The following HOXA11 variants were observed in gnomAD, a reference collection of about 807,000 sequenced individuals.
The protein encoded by HOXA11 is homeobox protein Hox-A11.
In HOXA11, 8 loss-of-function variants were observed where a neutral mutation model predicts 22.5. That is an observed-to-expected ratio of 0.36 (90% CI 0.21 to 0.64). HOXA11 has a LOEUF of 0.64. Ranked by LOEUF, HOXA11 falls within the 30% of genes least tolerant of loss-of-function variation. The pLI, the probability that HOXA11 is intolerant of heterozygous loss-of-function variation, is 0.67. For missense variants in HOXA11, 388 were observed against 429.0 expected (o/e 0.90, Z 0.84); for synonymous variants, 211 against 188.4 (o/e 1.12, Z -0.98).
intron 1 of HOXA11, among the ~76,000 whole-genome samples, chr7:27,184,053 T>C (rs1783814210): frequency 6.6e-6 from 1 of 152,152 alleles, no homozygotes; most frequent in African/African-American, 2.4e-5. Context: ...ATGGCTTTTA[T>C]AAAAATCTCC....
chr7:27,184,909 A>G lies in HOXA11; in HGVS notation c.236T>C (p.Leu79Pro), dbSNP rs201762092. ...PATKWHPRGNLAHCYSAEELV... is the reference protein window; with the variant it reads ...PATKWHPRGNPAHCYSAEELV... ...CTCCTCCGCGGAGTAGCAGTGGGCC[A>G]GATTGCCGCGGGGGTGCCATTTAGT... Residue 79 changes from leucine (L) to proline (P), a missense_variant, in exon 1 of 2, where the codon CTG (leucine) becomes CCG (proline). Leu to Pro is a moderately conservative substitution (Grantham distance 98, BLOSUM62 -3). Transcript: ENST00000006015. 64 of 1,614,050 alleles carry G rather than the reference A, an allele frequency of 4.0e-5. No individual in the cohort carries two copies. In the East Asian group the frequency reaches 1.2e-3, roughly 31 times the overall value.
In HOXA11 at chr7:27,182,545, C is replaced by T. The variant is rs978479882; in HGVS notation, c.*251G>A. ...CAGCTCTGCAGGCTCCAAGAGTGAACCACCAGGGGTCCCAAACCTGTCATT... is the reference window on the plus strand; with the variant it reads ...CAGCTCTGCAGGCTCCAAGAGTGAATCACCAGGGGTCCCAAACCTGTCATT... On this transcript the variant is annotated 3_prime_UTR_variant, in exon 2 of 2. Transcript: ENST00000006015. 9.1e-6 allele frequency: 5 copies of T among 547,690 alleles called. No homozygotes were observed. The highest frequency in any genetic ancestry group is 1.6e-5 in the Non-Finnish European group (5 of 303,378). The allele number at this position is 547,690 out of a possible 1,614,324, so 33.9% of individuals were successfully genotyped here. A position where few individuals can be genotyped will look rare whatever the true frequency, so the allele number is the denominator to read the frequency against.
chr7:27,182,453 G>T lies in HOXA11; in HGVS notation c.*343C>A. On this transcript the variant is annotated 3_prime_UTR_variant, in exon 2 of 2. Transcript: ENST00000006015. Reference sequence around the variant, plus strand: ...GGTAGGCTCCCAGTAGAGGGAGGGTGTGGTGGGGTTAGTCTCCAGGGGGTC... The same window carrying T: ...GGTAGGCTCCCAGTAGAGGGAGGGTTTGGTGGGGTTAGTCTCCAGGGGGTC... 1 of 449,254 alleles carries T rather than the reference G, an allele frequency of 2.2e-6. No individual in the cohort carries two copies. The highest frequency in any genetic ancestry group is 4.1e-6 in the Non-Finnish European group (1 of 242,868). 27.8% of individuals were successfully genotyped at this position (449,254 alleles called of 1,614,324 possible). A position where few individuals can be genotyped will look rare whatever the true frequency, so the allele number is the denominator to read the frequency against.
intron 1 of HOXA11, among the ~76,000 whole-genome samples, chr7:27,183,725 C>T (rs1271990952): frequency 7.7e-6 from 1 of 129,284 alleles, no homozygotes; most frequent in African/African-American, 3.1e-5. Context: ...AAGCTGCGGG[C>T]AGGCTCTACT....
Position 27,182,674 on chromosome 7 carries a change from T to G in HOXA11, c.*122A>C, listed in dbSNP as rs1783790279. On this transcript the variant is annotated 3_prime_UTR_variant, in exon 2 of 2. Coordinates refer to ENST00000006015, the MANE Select transcript of HOXA11 (RefSeq NM_005523.6). ...ACCACCTCCTGTGGGGCTATCTCCATGCATCCCTCTCTTGCACACCTCTTT... is the reference window on the plus strand; with the variant it reads ...ACCACCTCCTGTGGGGCTATCTCCAGGCATCCCTCTCTTGCACACCTCTTT... The G allele has an allele frequency of 6.7e-6, 5 of 748,142 alleles. No individual in the cohort carries two copies. Among genetic ancestry groups the G allele is most frequent in the Non-Finnish European group, 1.2e-5 (5 of 405,986 alleles). The allele number at this position is 748,142 out of a possible 1,614,324, so 46.3% of individuals were successfully genotyped here.
At position 27,181,944 on chromosome 7, in the gene HOXA11, G is replaced by A. The variant is rs1197029885; in HGVS notation, c.*852C>T. On this transcript the variant is annotated 3_prime_UTR_variant, in exon 2 of 2. Coordinates refer to ENST00000006015, the MANE Select transcript of HOXA11 (RefSeq NM_005523.6). ...GCAAATCCAAGTTTCATTACGTGTG[G>A]TGGAGAGTTTGCCAAACTGCCACAC... 9 of 227,812 alleles carry A rather than the reference G, an allele frequency of 4.0e-5. No individual in the cohort carries two copies. The highest frequency in any genetic ancestry group is 1.3e-4 in the African/African-American group (6 of 45,026). The allele number at this position is 227,812 out of a possible 1,614,324, so 14.1% of individuals were successfully genotyped here.
Position 27,182,467 on chromosome 7 carries a change from C to A in HOXA11, c.*329G>T, listed in dbSNP as rs1783786542. 2.2e-6 allele frequency: 1 copy of A among 462,488 alleles called. No homozygotes were observed. 28.6% of individuals were successfully genotyped at this position (462,488 alleles called of 1,614,324 possible). On this transcript the variant is annotated 3_prime_UTR_variant, in exon 2 of 2. Transcript: ENST00000006015. ...AGAGGGAGGGTGTGGTGGGGTTAGTCTCCAGGGGGTCTGGCAGGGGCCCAA... is the reference window on the plus strand; with the variant it reads ...AGAGGGAGGGTGTGGTGGGGTTAGTATCCAGGGGGTCTGGCAGGGGCCCAA...
At position 27,185,160 on chromosome 7, in the gene HOXA11, G is replaced by A; in HGVS notation, c.-16C>T. On this transcript the variant is annotated 5_prime_UTR_variant, in exon 1 of 2. Coordinates refer to ENST00000006015, the MANE Select transcript of HOXA11 (RefSeq NM_005523.6). ...CAAAATCCATTATTGGGCTACCTTG[G>A]GCTCTCCGCAGTAGCCGAGCTTAAC... 1 of 1,613,612 alleles carries A rather than the reference G, an allele frequency of 6.2e-7. No individual in the cohort carries two copies.
chr7:27,185,105 A>G lies in HOXA11; in HGVS notation c.40T>C (p.Tyr14His). The change falls in exon 1 of 2, where the codon TAT becomes CAT. Residue 14 changes from tyrosine to histidine, a missense_variant. Physicochemically the swap from Tyr to His is moderately conservative, Grantham distance 83. Transcript: ENST00000006015. ...ACGTAGTAAGTACAACTTGGCAAAT[A>G]CATGTTAGAGGAGCAGGGACCACGC... ...DERGPCSSNMYLPSCTYYVSG... is the reference protein window; with the variant it reads ...DERGPCSSNMHLPSCTYYVSG... 1.2e-6 allele frequency: 2 copies of G among 1,614,068 alleles called. No individual in the cohort carries two copies. Among genetic ancestry groups the G allele is most frequent in the Non-Finnish European group, 1.7e-6 (2 of 1,179,990 alleles).
In HOXA11 at chr7:27,181,833, AC is replaced by A. The variant is rs1342886685; in HGVS notation, c.*962del. 1 of 216,006 alleles carries A rather than the reference AC, an allele frequency of 4.6e-6. No individual in the cohort carries two copies. The highest frequency in any genetic ancestry group is 6.8e-5 in the East Asian group (1 of 14,712). 13.4% of individuals were successfully genotyped at this position (216,006 alleles called of 1,614,324 possible). A position where few individuals can be genotyped will look rare whatever the true frequency, so the allele number is the denominator to read the frequency against. ...AATGAGGGCTGAGTGTGGTGCTGGA[AC>A]CCGGTGTTTTGGGGGACTCAAGGCC... is the stretch of plus-strand genomic sequence containing the variant. On this transcript the variant is annotated 3_prime_UTR_variant, in exon 2 of 2. Coordinates refer to ENST00000006015, the MANE Select transcript of HOXA11 (RefSeq NM_005523.6).
In HOXA11 at chr7:27,182,226, T is replaced by C; in HGVS notation, c.*570A>G. 4.0e-6 allele frequency: 1 copy of C among 248,818 alleles called. No individual in the cohort carries two copies. Among genetic ancestry groups the C allele is most frequent in the Non-Finnish European group, 7.9e-6 (1 of 126,324 alleles). The allele number at this position is 248,818 out of a possible 1,614,324, so 15.4% of individuals were successfully genotyped here. A position where few individuals can be genotyped will look rare whatever the true frequency, so the allele number is the denominator to read the frequency against. ...GGAAAGACACTGATGCCACCTGGAA[T>C]CATAGATTTCTTTTCCCACAAGGAT... On this transcript the variant is annotated 3_prime_UTR_variant, in exon 2 of 2. Transcript: ENST00000006015.
rs931000353 is a variant in HOXA11, at chr7:27,184,585, G to T, written c.560C>A (p.Pro187Gln). ...AAAAAAATGAPATSSSDSGGG... is the reference protein window; with the variant it reads ...AAAAAAATGAQATSSSDSGGG... Reference sequence around the variant, plus strand: ...GCCGCTGTCCGAACTTGAAGTTGCCGGCGCGCCCGTTGCAGCCGCCGCCGC... The same window carrying T: ...GCCGCTGTCCGAACTTGAAGTTGCCTGCGCGCCCGTTGCAGCCGCCGCCGC... Residue 187 changes from proline to glutamine, a missense_variant, in exon 1 of 2, where the codon CCG (proline) becomes CAG (glutamine). Physicochemically the swap from Pro to Gln is moderately conservative, Grantham distance 76 (BLOSUM62 -1). Transcript: ENST00000006015. The T allele has an allele frequency of 2.7e-6, 4 of 1,495,176 alleles. No individual in the cohort carries two copies. The highest frequency in any genetic ancestry group is 2.1e-4 in the Middle Eastern group (1 of 4,728). The allele number at this position is 1,495,176 out of a possible 1,614,324, so 92.6% of individuals were successfully genotyped here.
chr7:27,182,754 CAT>C lies in HOXA11; in HGVS notation c.*40_*41del. 2.5e-6 allele frequency: 3 copies of C among 1,224,048 alleles called. No homozygotes were observed. Among genetic ancestry groups the C allele is most frequent in the Non-Finnish European group, 1.2e-6 (1 of 824,726 alleles). 75.8% of individuals were successfully genotyped at this position (1,224,048 alleles called of 1,614,324 possible). On this transcript the variant is annotated 3_prime_UTR_variant, in exon 2 of 2. Transcript: ENST00000006015. Reference sequence around the variant, plus strand: ...CAAGGGCAAAATCTGCATATTATCTCATGTGTATGAAGCCCCCCACCCAATTC... The same window carrying C: ...CAAGGGCAAAATCTGCATATTATCTCGTGTATGAAGCCCCCCACCCAATTC...
chr7:27,183,673 C>A (rs753838531), intron 1 of HOXA11, among the ~76,000 whole-genome samples: 81 of 142,404 alleles, frequency 5.7e-4, no homozygotes, highest in Admixed American at 3.0e-3. Context: ...GGCAGAGCAG[C>A]GGCTCTATCT....
Position 27,181,825 on chromosome 7 carries a change from G to C in HOXA11, c.*971C>G, listed in dbSNP as rs1345709265. The C allele has an allele frequency of 4.7e-6, 1 of 214,404 alleles. No homozygotes were observed. The highest frequency in any genetic ancestry group is 9.4e-6 in the Non-Finnish European group (1 of 106,098). The allele number at this position is 214,404 out of a possible 1,614,324, so 13.3% of individuals were successfully genotyped here. On this transcript the variant is annotated 3_prime_UTR_variant, in exon 2 of 2. Coordinates refer to ENST00000006015, the MANE Select transcript of HOXA11 (RefSeq NM_005523.6). Reference sequence around the variant, plus strand: ...CAAGAGCCAATGAGGGCTGAGTGTGGTGCTGGAACCCGGTGTTTTGGGGGA... The same window carrying C: ...CAAGAGCCAATGAGGGCTGAGTGTGCTGCTGGAACCCGGTGTTTTGGGGGA...
Position 27,184,604 on chromosome 7 carries a change from C to T in HOXA11, c.541G>A (p.Ala181Thr). The T allele has an allele frequency of 1.3e-6, 2 of 1,502,594 alleles. No individual in the cohort carries two copies. The highest frequency in any genetic ancestry group is 1.8e-6 in the Non-Finnish European group (2 of 1,126,694). The allele number at this position is 1,502,594 out of a possible 1,614,324, so 93.1% of individuals were successfully genotyped here. A position where few individuals can be genotyped will look rare whatever the true frequency, so the allele number is the denominator to read the frequency against. ...AATATSAAAAAAATGAPATSS... is the reference protein window; with the variant it reads ...AATATSAAAATAATGAPATSS... ...GTTGCCGGCGCGCCCGTTGCAGCCG[C>T]CGCCGCCGCCGCGGAGGTCGCCGTG... Residue 181 changes from alanine (A) to threonine (T), a missense_variant, in exon 1 of 2, where the codon GCG (alanine) becomes ACG (threonine). Ala to Thr is a moderately conservative substitution (Grantham distance 58). This residue lies in a region of HOXA11 where 295 missense variants were observed against 281.1 expected (regional missense o/e 1.05). Transcript: ENST00000006015.
Position 27,184,890 on chromosome 7 carries a change from C to A in HOXA11, c.255G>T (p.Ala85=). The A allele has an allele frequency of 6.2e-7, 1 of 1,614,080 alleles. No individual in the cohort carries two copies. The highest frequency in any genetic ancestry group is 8.5e-7 in the Non-Finnish European group (1 of 1,179,998). ...GGCAGTCTCTGTGCACGAGCTCCTCCGCGGAGTAGCAGTGGGCCAGATTGC... is the reference window on the plus strand; with the variant it reads ...GGCAGTCTCTGTGCACGAGCTCCTCAGCGGAGTAGCAGTGGGCCAGATTGC... ...PRGNLAHCYS[A]EELVHRDCLQ... is the part of the protein sequence containing the mutation. Residue 85 remains alanine (A), a synonymous_variant, in exon 1 of 2, where the codon GCG becomes GCT. Coordinates refer to ENST00000006015, the MANE Select transcript of HOXA11 (RefSeq NM_005523.6).
intron 1 of HOXA11, among the ~76,000 whole-genome samples, chr7:27,183,983 G>A (rs1783812332): frequency 6.6e-6 from 1 of 152,108 alleles, no homozygotes; most frequent in Admixed American, 6.5e-5. Context: ...CGCTCCTAGC[G>A]CCGTCGTTAA....
Position 27,184,653 on chromosome 7 carries a change from G to T in HOXA11, c.492C>A (p.Ser164Arg). The T allele has an allele frequency of 6.2e-7, 1 of 1,606,838 alleles. No homozygotes were observed. The highest frequency in any genetic ancestry group is 8.5e-7 in the Non-Finnish European group (1 of 1,177,376). ...LASSDYPGDK[S>R]AEKGPPAATA... ...TGGCCGCCGGGGGCCCCTTCTCGGC[G>T]CTCTTGTCCCCGGGGTAGTCGGAGG... Residue 164 changes from serine to arginine, a missense_variant, in exon 1 of 2, where the codon AGC (serine) becomes AGA (arginine). Ser to Arg is a moderately radical substitution (Grantham distance 110). This residue lies in a region of HOXA11 where 295 missense variants were observed against 281.1 expected (regional missense o/e 1.05). Coordinates refer to ENST00000006015, the MANE Select transcript of HOXA11 (RefSeq NM_005523.6).
Sources: gnomAD v4.1 joint callset for allele counts (sites outside exome capture counted in the v4.1 genomes callset) on GRCh38, gnomAD v4.1.1 for gene constraint, gnomAD v4.1.1 regional missense constraint, MANE v1.5 for transcripts, NCBI Gene and HGNC (gene_info 2026-07-23, HGNC 2026-07-21) for gene names.